YME1L1: variants seen among roughly 807,000 people sequenced by gnomAD.
YME1L1 encodes ATP-dependent zinc metalloprotease YME1L1.
A neutral mutation model predicts 90.4 loss-of-function variants in YME1L1; 39 were observed. The observed-to-expected ratio is 0.43, with a 90% confidence interval of 0.33 to 0.56. The LOEUF (loss-of-function observed/expected upper bound fraction) is 0.56. Ranked by LOEUF, YME1L1 falls within the 20% of genes least tolerant of loss-of-function variation. The pLI is 0.03. For missense variants in YME1L1, 617 were observed against 868.4 expected (o/e 0.71, Z 3.64); for synonymous variants, 284 against 287.3 (o/e 0.99, Z 0.12).
intron 18 of YME1L1, among the ~76,000 whole-genome samples, chr10:27,114,066 T>C (rs561747781): frequency 2.6e-5 from 4 of 152,134 alleles, no homozygotes; most frequent in Non-Finnish European, 5.9e-5. Flanking sequence ...GAATTTTATA[T>C]ACATATAAAA....
intron 18 of YME1L1, among the ~76,000 whole-genome samples, chr10:27,113,260 A>AAAAT (rs1564453902): frequency 3.6e-5 from 4 of 111,616 alleles, no homozygotes; most frequent in African/African-American, 6.7e-5. Context: ...AAAAAAAAAA[A>AAAAT]AAAGACCTGC....
chr10:27,137,843 ATATTG>A, intron 4 of YME1L1, among the ~76,000 whole-genome samples: 1 of 152,248 alleles, frequency 6.6e-6, no homozygotes, highest in South Asian at 2.1e-4. Context: ...TTAGTTATAT[ATATTG>A]TAAACATTTA....
At chr10:27,113,677 AAAAAAAAAAAAG>A (rs2056782954) in intron 18 of YME1L1, among the ~76,000 whole-genome samples, 1 of 151,308 alleles carries the variant, frequency 6.6e-6, no homozygotes, top group African/African-American at 2.4e-5. Context: ...TGTCTCAAAA[AAAAAAAAAAAAG>A]AAAAAACAAA....
chr10:27,123,596 A>G lies in YME1L1; in HGVS notation c.1053T>C (p.Phe351=), dbSNP rs1292088116. Residue 351 remains phenylalanine (F), a synonymous_variant, in exon 10 of 19, where the codon TTT becomes TTC. Transcript: ENST00000376016. ...VPFYYASGSE[F]DEMFVGVGAS... ...CTCCCACACCCACAAACATCTCATC[A>G]AATTCGGATCCAGAAGCATAATAAA... 1 of 1,613,980 alleles carries G rather than the reference A, an allele frequency of 6.2e-7. No individual in the cohort carries two copies. Among genetic ancestry groups the G allele is most frequent in the East Asian group, 2.2e-5 (1 of 44,860 alleles).
intron 2 of YME1L1, chr10:27,145,842 C>A: frequency 3.8e-6 from 1 of 262,714 alleles, no homozygotes; most frequent in Non-Finnish European, 7.0e-6. Context: ...GACATTTCAG[C>A]ATGAATGAGA....
At chr10:27,123,098 G>A in intron 10 of YME1L1, 125 bp from the exon 11 acceptor site, 1 of 1,231,078 alleles carries the variant, frequency 8.1e-7, no homozygotes, top group Non-Finnish European at 1.1e-6. Flanking sequence ...GAAAGAAAAG[G>A]ACGTCATTTT....
intron 4 of YME1L1, among the ~76,000 whole-genome samples, chr10:27,136,614 C>T (rs1027138429): frequency 6.6e-6 from 1 of 152,044 alleles, no homozygotes; most frequent in African/African-American, 2.4e-5. Context: ...GCCTCAGCCT[C>T]CCAAAGAGCT....
intron 12 of YME1L1, among the ~76,000 whole-genome samples, chr10:27,120,912 A>G (rs942765189): frequency 6.6e-6 from 1 of 152,236 alleles, no homozygotes; most frequent in African/African-American, 2.4e-5. Flanking sequence ...GGCAGTGACA[A>G]ACTACTGATC....
chr10:27,121,231 C>T (rs1219941090), intron 12 of YME1L1, among the ~76,000 whole-genome samples, 155 bp downstream of exon 12: 3 of 152,184 alleles, frequency 2.0e-5, no homozygotes, highest in Non-Finnish European at 4.4e-5. Flanking sequence ...CTCTGGTAAC[C>T]GCTAACCCAA....
In YME1L1 at chr10:27,112,094, G is replaced by T. The variant is rs1477843673; in HGVS notation, c.2034C>A (p.Ile678=). Residue 678 remains isoleucine, a synonymous_variant, in exon 19 of 19, where the codon ATC becomes ATA. Coordinates refer to ENST00000376016, the MANE Select transcript of YME1L1 (RefSeq NM_014263.4). ...TATGCTCCTTTGCATGAGTTTTCAAGATATGTTTTGCTCGTTCATATGAGT... is the reference window on the plus strand; with the variant it reads ...TATGCTCCTTTGCATGAGTTTTCAATATATGTTTTGCTCGTTCATATGAGT... ...LRDSYERAKH[I]LKTHAKEHKN... is the part of the protein sequence containing the mutation. 1.2e-6 allele frequency: 2 copies of T among 1,613,726 alleles called. No homozygotes were observed. The highest frequency in any genetic ancestry group is 2.7e-5 in the African/African-American group (2 of 74,894).
At chr10:27,147,738 G>C in intron 2 of YME1L1, 1 of 1,539,278 alleles carries the variant, frequency 6.5e-7, no homozygotes, top group Non-Finnish European at 8.8e-7. Context: ...TGTAACACCC[G>C]TGGTTTCTAT....
chr10:27,151,609 C>T (rs1051580831), intron 1 of YME1L1, among the ~76,000 whole-genome samples: 3 of 151,692 alleles, frequency 2.0e-5, no homozygotes, highest in Non-Finnish European at 2.9e-5. Flanking sequence ...CGTGGGGGCG[C>T]GGTGGCTCAC....
At chr10:27,146,119 T>C (rs960268228) in intron 2 of YME1L1, 1 of 152,108 alleles carries the variant, frequency 6.6e-6, no homozygotes, top group Admixed American at 6.5e-5. Flanking sequence ...AGTAAGGTTC[T>C]TGAATTGGGG....
chr10:27,140,417 T>C (rs975976230), intron 4 of YME1L1, among the ~76,000 whole-genome samples: 1 of 152,246 alleles, frequency 6.6e-6, no homozygotes, highest in Non-Finnish European at 1.5e-5. Flanking sequence ...CCCGGTTTTA[T>C]TTCCATTCAG....
At chr10:27,143,367 C>T (rs1318664245) in intron 3 of YME1L1, among the ~76,000 whole-genome samples, 1 of 151,168 alleles carries the variant, frequency 6.6e-6, no homozygotes, top group Admixed American at 6.6e-5. Flanking sequence ...GAAACTCAGT[C>T]TCAAAAACAA....
Position 27,148,931 on chromosome 10 carries a change from G to A in YME1L1, c.143C>T (p.Pro48Leu). ...VSQNQHRDVV[P>L]EHEAPSSEPS... is the part of the protein sequence containing the mutation. ...CTCACTGCTGGGAGCCTCATGCTCA[G>A]GAACTACATCTCGATGCTGGTTTTG... is the stretch of plus-strand genomic sequence containing the variant. Residue 48 changes from proline (P) to leucine (L), a missense_variant, in exon 2 of 19, where the codon CCT (proline) becomes CTT (leucine). Pro to Leu is a moderately conservative substitution (Grantham distance 98, BLOSUM62 -3). Coordinates refer to ENST00000376016, the MANE Select transcript of YME1L1 (RefSeq NM_014263.4). 1 of 1,613,914 alleles carries A rather than the reference G, an allele frequency of 6.2e-7. No individual in the cohort carries two copies. The highest frequency in any genetic ancestry group is 8.5e-7 in the Non-Finnish European group (1 of 1,179,980).
chr10:27,122,685 T>A (rs756964179), intron 11 of YME1L1, among the ~76,000 whole-genome samples, 156 bp downstream of exon 11: 2 of 152,228 alleles, frequency 1.3e-5, no homozygotes, highest in Non-Finnish European at 2.9e-5. Context: ...TCTTGAGTTC[T>A]TGCATGAGGG....
At position 27,112,041 on chromosome 10, in the gene YME1L1, T is replaced by G; in HGVS notation, c.2087A>C (p.Tyr696Ser). 4 of 1,614,132 alleles carry G rather than the reference T, an allele frequency of 2.5e-6. No homozygotes were observed. Among genetic ancestry groups the G allele is most frequent in the Non-Finnish European group, 3.4e-6 (4 of 1,180,014 alleles). Reference protein sequence around the residue: ...HKNLAEALLTYETLDAKEIQI... With the variant: ...HKNLAEALLTSETLDAKEIQI... The stretch of plus-strand genomic sequence containing the variant: ...AATCTCTTTGGCATCCAAAGTCTCA[T>G]AGGTCAATAAAGCTTCTGCGAGATT... Residue 696 changes from tyrosine (Y) to serine (S), a missense_variant, in exon 19 of 19, where the codon TAT becomes TCT. By Grantham distance (144) the Tyr-to-Ser change is moderately radical. Coordinates refer to ENST00000376016, the MANE Select transcript of YME1L1 (RefSeq NM_014263.4).
At position 27,117,644 on chromosome 10, in the gene YME1L1, A is replaced by G. The variant is rs199533316; in HGVS notation, c.1651T>C (p.Tyr551His). 5 of 1,614,208 alleles carry G rather than the reference A, an allele frequency of 3.1e-6. No homozygotes were observed. The highest frequency in any genetic ancestry group is 4.5e-5 in the East Asian group (2 of 44,882). ...YHESGHAIIA[Y>H]YTKDAMPINK... ...ATAGGCATTGCATCTTTTGTGTAAT[A>G]TGCAATAATGGCATGACCAGATTCA... The change falls in exon 15 of 19, where the codon TAT becomes CAT. Residue 551 changes from tyrosine (Y) to histidine (H), a missense_variant. Coordinates refer to ENST00000376016, the MANE Select transcript of YME1L1 (RefSeq NM_014263.4).
Sources: gnomAD v4.1 joint callset for allele counts (sites outside exome capture counted in the v4.1 genomes callset) on GRCh38, gnomAD v4.1.1 for gene constraint, MANE v1.5 for transcripts, NCBI Gene and HGNC (gene_info 2026-07-23, HGNC 2026-07-21) for gene names.